Variants in CAPN3 observed in about 807,000 individuals in gnomAD.
CAPN3 encodes calpain-3.
Under a neutral mutation model 114.0 loss-of-function variants are expected in CAPN3, and 88 were observed. That is an observed-to-expected ratio of 0.77 (90% confidence interval 0.65 to 0.92). CAPN3 has a LOEUF of 0.92. CAPN3 is among the 40% of genes least tolerant of loss of function. The pLI is 0.00. For missense variants in CAPN3, 1,028 were observed against 1,069.0 expected (o/e 0.96, Z 0.53); for synonymous variants, 386 against 382.9 (o/e 1.01, Z -0.09).
intron 1 of CAPN3, among the ~76,000 whole-genome samples, chr15:42,362,058 G>A (rs932048084): frequency 1.3e-5 from 2 of 152,238 alleles, no homozygotes; most frequent in South Asian, 2.1e-4. Flanking sequence ...GAAAACCCAC[G>A]CCCAAGGGCC....
Position 42,411,016 on chromosome 15 carries a change from G to A in CAPN3, c.2380+16G>A, listed in dbSNP as rs763190652. On this transcript the variant is annotated intron_variant, in intron 22 of 23. Coordinates refer to ENST00000397163, the MANE Select transcript of CAPN3 (RefSeq NM_000070.3). ...GGCATGTTCAGTAAGTGGGAGAGGG[G>A]GGCTGCCCTCTGCTCTCTTGCAGGG... 7 of 1,564,146 alleles carry A rather than the reference G, an allele frequency of 4.5e-6. No individual in the cohort carries two copies. The highest frequency in any genetic ancestry group is 6.2e-6 in the Non-Finnish European group (7 of 1,134,348).
At chr15:42,411,647 G>A (rs1386684437) in intron 23 of CAPN3, 100 bp from the exon 24 acceptor site, 3 of 741,832 alleles carry the variant, frequency 4.0e-6, no homozygotes, top group East Asian at 2.9e-5. Context: ...CTGACCTGCT[G>A]GGACTGTTCC....
chr15:42,411,459 A>T, intron 23 of CAPN3, 114 bp downstream of exon 23: 1 of 1,010,708 alleles, frequency 9.9e-7, no homozygotes, highest in Non-Finnish European at 1.6e-6. Flanking sequence ...GGTGGAGGGA[A>T]GGGATAGGAA....
At chr15:42,388,779 T>A in intron 4 of CAPN3, 149 bp from the exon 5 acceptor site, 1 of 778,614 alleles carries the variant, frequency 1.3e-6, no homozygotes, top group Non-Finnish European at 2.3e-6. Context: ...AGGGAATCAT[T>A]GTTTCCATCC....
chr15:42,360,170 C>G, intron 1 of CAPN3, 56 bp downstream of exon 1: 1 of 1,599,562 alleles, frequency 6.3e-7, no homozygotes, highest in Non-Finnish European at 8.6e-7. Flanking sequence ...AGTCCTCTCA[C>G]TCAGCACCTC....
At chr15:42,402,682 A>C in intron 12 of CAPN3, 112 bp from the exon 13 acceptor site, 1 of 1,566,390 alleles carries the variant, frequency 6.4e-7, no homozygotes, top group South Asian at 1.1e-5. Context: ...GGAGGTTGAA[A>C]CTGTGACATG....
intron 2 of CAPN3, 126 bp downstream of exon 2, chr15:42,384,678 T>C: frequency 1.3e-6 from 1 of 748,558 alleles, no homozygotes; most frequent in South Asian, 1.4e-5. Flanking sequence ...AGATTTTTTA[T>C]AACAGTTGCT....
At chr15:42,368,110 C>T (rs2052836072) in intron 1 of CAPN3, among the ~76,000 whole-genome samples, 2 of 152,198 alleles carry the variant, frequency 1.3e-5, no homozygotes, top group African/African-American at 4.8e-5. Flanking sequence ...TGCAAATTCA[C>T]CTACTCGCTA....
intron 19 of CAPN3, 68 bp from the exon 20 acceptor site, chr15:42,410,360 C>T (rs1214180285): frequency 6.9e-7 from 1 of 1,445,208 alleles, no homozygotes; most frequent in South Asian, 1.1e-5. Flanking sequence ...CCGGAGTCTC[C>T]TAGACCCTCC....
chr15:42,401,848 C>T (rs1314906975), intron 11 of CAPN3, 38 bp downstream of exon 11: 2 of 1,595,210 alleles, frequency 1.3e-6, no homozygotes, highest in Admixed American at 1.8e-5. Flanking sequence ...AGGAAACATA[C>T]TTTCCCAGGG....
intron 10 of CAPN3, among the ~76,000 whole-genome samples, chr15:42,400,968 C>T (rs953537538): frequency 4.6e-4 from 70 of 152,106 alleles, no homozygotes; most frequent in Admixed American, 1.5e-3. Context: ...CTGAGGCAGG[C>T]GGATCACTTG....
At chr15:42,381,635 G>A (rs2053253463) in intron 1 of CAPN3, among the ~76,000 whole-genome samples, 1 of 152,126 alleles carries the variant, frequency 6.6e-6, no homozygotes, top group Non-Finnish European at 1.5e-5. Flanking sequence ...CTGCCTTCAG[G>A]CTCAAGCAAT....
intron 10 of CAPN3, among the ~76,000 whole-genome samples, chr15:42,400,636 T>C (rs1019576965): frequency 3.3e-5 from 5 of 151,656 alleles, no homozygotes; most frequent in African/African-American, 1.2e-4. Context: ...CAATAAACTG[T>C]GATCATGCCA....
chr15:42,376,762 G>A (rs2053099021), intron 1 of CAPN3, among the ~76,000 whole-genome samples: 1 of 152,072 alleles, frequency 6.6e-6, no homozygotes, highest in Non-Finnish European at 1.5e-5. Flanking sequence ...GTAGAGAAAG[G>A]AGATATGTGT....
intron 1 of CAPN3, among the ~76,000 whole-genome samples, chr15:42,363,847 C>T (rs78395368): frequency 0.015 from 2,206 of 149,970 alleles, 54 homozygotes; most frequent in African/African-American, 0.054. Context: ...TTAAATAACT[C>T]GCGCCAGATC....
Position 42,404,691 on chromosome 15 carries a change from C to T in CAPN3, c.1782+914C>T. 6.8e-6 allele frequency: 8 copies of T among 1,184,358 alleles called. No homozygotes were observed. The South Asian group carries it at 1.3e-4, about 19-fold the overall frequency. The allele number at this position is 1,184,358 out of a possible 1,614,324, so 73.4% of individuals were successfully genotyped here. Reference sequence around the variant, plus strand: ...GGGGCTTTGGGCTGTAGTCAGCTGACAGTCCTTTGTGCTCTGTGGGGATGA... The same window carrying T: ...GGGGCTTTGGGCTGTAGTCAGCTGATAGTCCTTTGTGCTCTGTGGGGATGA... On this transcript the variant is annotated intron_variant, in intron 14 of 23. Coordinates refer to ENST00000397163, the MANE Select transcript of CAPN3 (RefSeq NM_000070.3).
chr15:42,392,874 G>T, intron 7 of CAPN3, 152 bp downstream of exon 7: 1 of 636,246 alleles, frequency 1.6e-6, no homozygotes, highest in Non-Finnish European at 2.9e-6. Flanking sequence ...TGGGAGCAGA[G>T]GGGCCTGTGA....
chr15:42,375,566 G>A (rs2053069703), intron 1 of CAPN3, among the ~76,000 whole-genome samples: 1 of 152,204 alleles, frequency 6.6e-6, no homozygotes, highest in African/African-American at 2.4e-5. Context: ...AGTAGGCTCT[G>A]AGGAGGGCAT....
At position 42,392,647 on chromosome 15, in the gene CAPN3, T is replaced by G. The variant is rs1319758272; in HGVS notation, c.954T>G (p.Ile318Met). ...GSDERPTRTI[I>M]PVQYETRMAC... is the part of the protein sequence containing the mutation. ...TGGTTACTGCTCTACAGACAATCAT[T>G]CCGGTTCAGTATGAGACAAGAATGG... is the stretch of plus-strand genomic sequence containing the variant. Residue 318 changes from isoleucine (I) to methionine (M), a missense_variant, in exon 7 of 24, where the codon ATT (isoleucine) becomes ATG (methionine). Physicochemically the swap from Ile to Met is conservative, Grantham distance 10 (BLOSUM62 1). Coordinates refer to ENST00000397163, the MANE Select transcript of CAPN3 (RefSeq NM_000070.3). The G allele has an allele frequency of 6.2e-7, 1 of 1,613,380 alleles. No individual in the cohort carries two copies. The highest frequency in any genetic ancestry group is 1.3e-5 in the African/African-American group (1 of 74,900).
Sources: allele counts gnomAD v4.1 joint callset (sites outside exome capture counted in the v4.1 genomes callset), GRCh38; gene constraint gnomAD v4.1.1; transcripts MANE v1.5; gene names NCBI Gene and HGNC (gene_info 2026-07-23, HGNC 2026-07-21).